LRMDA: variants seen among roughly 807,000 people sequenced by gnomAD.
LRMDA encodes the protein leucine rich melanocyte differentiation associated, also known as leucine-rich melanocyte differentiation-associated protein.
A neutral mutation model predicts 29.8 loss-of-function variants in LRMDA; 18 were observed. The ratio of observed to expected loss-of-function variants is 0.60; its 90% confidence interval spans 0.42 to 0.90. The LOEUF is 0.90. LRMDA is among the 40% of genes least tolerant of loss of function. LRMDA has a pLI of 0.00. For synonymous variants in LRMDA, 125 were observed against 109.4 expected, an observed-to-expected ratio of 1.14 and a Z score of -0.89; for missense variants, 273 against 273.9, an observed-to-expected ratio of 1.00 and a Z score of 0.02.
At chr10:75,945,485 A>AT (rs1235977289) in intron 2 of LRMDA, among the ~76,000 whole-genome samples, 1 of 152,116 alleles carries the variant, frequency 6.6e-6, no homozygotes, top group African/African-American at 2.4e-5. Flanking sequence ...TCCTGCTTGC[A>AT]TTTTAGCCAC....
intron 2 of LRMDA, among the ~76,000 whole-genome samples, chr10:75,807,960 TG>T (rs1413858339): frequency 1.3e-5 from 2 of 152,196 alleles, no homozygotes; most frequent in Non-Finnish European, 2.9e-5. Flanking sequence ...AGAGCATTTT[TG>T]TTGCTCAATT....
intron 2 of LRMDA, among the ~76,000 whole-genome samples, chr10:75,686,724 C>G: frequency 6.6e-6 from 1 of 152,122 alleles, no homozygotes; most frequent in Non-Finnish European, 1.5e-5. Flanking sequence ...ACAGGCATGC[C>G]TTGTTTTATT....
At chr10:75,622,169 G>A (rs1273820724) in intron 2 of LRMDA, among the ~76,000 whole-genome samples, 1 of 152,208 alleles carries the variant, frequency 6.6e-6, no homozygotes, top group East Asian at 1.9e-4. Context: ...ATTTTTTTAG[G>A]GGAATGTATT....
intron 2 of LRMDA, among the ~76,000 whole-genome samples, chr10:75,979,329 A>G (rs1847126822): frequency 6.6e-6 from 1 of 152,200 alleles, no homozygotes; most frequent in Non-Finnish European, 1.5e-5. Context: ...ATTGGCAGTT[A>G]ATCAGGAGAG....
At chr10:76,443,695 A>G (rs1842326712) in intron 6 of LRMDA, among the ~76,000 whole-genome samples, 1 of 152,176 alleles carries the variant, frequency 6.6e-6, no homozygotes, top group African/African-American at 2.4e-5. Flanking sequence ...GATTTTTCAT[A>G]TGCCTATCAC....
At chr10:75,865,513 T>G (rs1358016238) in intron 2 of LRMDA, among the ~76,000 whole-genome samples, 1 of 152,160 alleles carries the variant, frequency 6.6e-6, no homozygotes, top group African/African-American at 2.4e-5. Flanking sequence ...ATTCTTGAGG[T>G]GATATGATGT....
At chr10:75,995,951 G>A (rs1847453870) in intron 2 of LRMDA, among the ~76,000 whole-genome samples, 2 of 152,114 alleles carry the variant, frequency 1.3e-5, no homozygotes, top group African/African-American at 4.8e-5. Flanking sequence ...AAATAATTAA[G>A]TTTTAGATCC....
At chr10:75,932,236 A>G (rs1022810873) in intron 2 of LRMDA, among the ~76,000 whole-genome samples, 1 of 152,156 alleles carries the variant, frequency 6.6e-6, no homozygotes, top group African/African-American at 2.4e-5. Flanking sequence ...TATGATTTTG[A>G]TTTAAAGCTT....
chr10:76,402,514 G>A (rs1318053400), intron 6 of LRMDA, among the ~76,000 whole-genome samples: 1 of 152,130 alleles, frequency 6.6e-6, no homozygotes, highest in East Asian at 1.9e-4. Context: ...ACCACTCCTG[G>A]CTAATTTTTA....
chr10:75,446,535 C>T (rs1007071647), intron 2 of LRMDA, among the ~76,000 whole-genome samples: 2 of 152,188 alleles, frequency 1.3e-5, no homozygotes, highest in African/African-American at 4.8e-5. Context: ...TCTGTAAGAG[C>T]CAGTAAATGA....
At chr10:75,870,199 T>C (rs1180635470) in intron 2 of LRMDA, among the ~76,000 whole-genome samples, 4 of 152,186 alleles carry the variant, frequency 2.6e-5, no homozygotes, top group African/African-American at 7.2e-5. Context: ...ATAAAATTCA[T>C]ATTTCAGTGT....
chr10:76,194,197 G>T (rs963624077), intron 5 of LRMDA, among the ~76,000 whole-genome samples: 3 of 152,198 alleles, frequency 2.0e-5, no homozygotes, highest in Non-Finnish European at 4.4e-5. Flanking sequence ...CCTGTTTGTA[G>T]TAGGGGAACC....
At chr10:76,327,745 G>A (rs1840853844) in intron 6 of LRMDA, among the ~76,000 whole-genome samples, 1 of 152,132 alleles carries the variant, frequency 6.6e-6, no homozygotes, top group South Asian at 2.1e-4. Flanking sequence ...GCTTCCTTTG[G>A]GGGTGAACAC....
intron 2 of LRMDA, among the ~76,000 whole-genome samples, chr10:75,802,884 A>C (rs1843778404): frequency 6.6e-6 from 1 of 151,408 alleles, no homozygotes; most frequent in African/African-American, 2.4e-5. Context: ...TTTGTTAATT[A>C]CTGAGAAGTT....
chr10:75,895,543 T>G (rs554119225), intron 2 of LRMDA, among the ~76,000 whole-genome samples: 4 of 152,322 alleles, frequency 2.6e-5, no homozygotes, highest in Non-Finnish European at 4.4e-5. Context: ...GAATCTAGGT[T>G]ACTGTCTACT....
chr10:76,047,396 G>A (rs765260946), intron 4 of LRMDA, 93 bp downstream of exon 4: 113 of 1,268,000 alleles, frequency 8.9e-5, no homozygotes, highest in Non-Finnish European at 1.1e-4. Context: ...GTAGATGTTT[G>A]GTACATATCA....
At chr10:75,847,205 G>A (rs532963940) in intron 2 of LRMDA, among the ~76,000 whole-genome samples, 1 of 152,284 alleles carries the variant, frequency 6.6e-6, no homozygotes, top group African/African-American at 2.4e-5. Context: ...TGACCATTGT[G>A]TGTATGGTCA....
chr10:76,212,559 A>T (rs1410569172), intron 5 of LRMDA, among the ~76,000 whole-genome samples: 1 of 152,246 alleles, frequency 6.6e-6, no homozygotes, highest in Non-Finnish European at 1.5e-5. Context: ...GCAAACAAGA[A>T]AGAGATAACC....
intron 2 of LRMDA, among the ~76,000 whole-genome samples, chr10:75,563,747 C>A (rs1840331348): frequency 6.6e-6 from 1 of 152,130 alleles, no homozygotes; most frequent in Non-Finnish European, 1.5e-5. Context: ...TTCCTTCTAA[C>A]AGACAGGACC....
Sources: gnomAD v4.1 joint callset for allele counts (sites outside exome capture counted in the v4.1 genomes callset) on GRCh38, gnomAD v4.1.1 for gene constraint, MANE v1.5 for transcripts, NCBI Gene and HGNC (gene_info 2026-07-23, HGNC 2026-07-21) for gene names.